CD163: variants seen among roughly 807,000 people sequenced by gnomAD.
CD163 encodes CD163 molecule.
In CD163, 64 loss-of-function variants were observed where a neutral mutation model predicts 129.2. That is an observed-to-expected ratio of 0.50 (90% CI 0.41 to 0.61). The LOEUF is 0.61. CD163 is among the 20% of genes least tolerant of loss of function. The pLI is 0.00. For missense variants in CD163, 1,061 were observed against 1,377.9 expected, an observed-to-expected ratio of 0.77 and a Z score of 3.64; for synonymous variants, 446 against 478.5, an observed-to-expected ratio of 0.93 and a Z score of 0.89.
At position 7,496,467 on chromosome 12, in the gene CD163, C is replaced by T. The variant is rs1254664877; in HGVS notation, c.1099+346G>A. On this transcript the variant is annotated intron_variant, in intron 5 of 16. Transcript: ENST00000432237. The surrounding 1 kb of genome is among the most constrained non-coding windows in gnomAD (Gnocchi z 4.8). ...ATGTAACAAACCTGCACATTCAACA[C>T]ATCTATCCCAGAACTTAAAGTAAAA... Among the ~76,000 whole-genome samples the T allele has an allele frequency of 2.0e-5, 3 of 152,248 alleles. No individual in the cohort carries two copies. Among genetic ancestry groups the T allele is most frequent in the South Asian group, 2.1e-4 (1 of 4,810 alleles).
rs1949440360 is a variant in CD163 at position 7,498,958 on chromosome 12, C to T, written c.688G>A (p.Gly230Arg). Residue 230 changes from glycine (G) to arginine (R), a missense_variant, in exon 4 of 17, where the codon GGA becomes AGA. Physicochemically the swap from Gly to Arg is moderately radical, Grantham distance 125. Coordinates refer to ENST00000432237, the MANE Select transcript of CD163 (RefSeq NM_203416.4). ...PIWFDDLICN[G>R]NESALWNCKH... ...CAGTTCCAGAGAGCTGACTCATTTC[C>T]GTTGCATATAAGATCATCAAACCAG... 3 of 1,614,120 alleles carry T rather than the reference C, an allele frequency of 1.9e-6. No individual in the cohort carries two copies. The highest frequency in any genetic ancestry group is 2.2e-5 in the East Asian group (1 of 44,882).
intron 4 of CD163, among the ~76,000 whole-genome samples, chr12:7,497,850 G>GT (rs1217070735): frequency 6.6e-6 from 1 of 152,238 alleles, no homozygotes; most frequent in East Asian, 1.9e-4. Context: ...TACAGTCTGT[G>GT]TTTTTTCTAC....
rs768685733 is a variant in CD163, at chr12:7,485,486, T to C, written c.2459-70A>G. The C allele has an allele frequency of 1.8e-4, 226 of 1,258,632 alleles. 2 individuals carry two copies. The African/African-American group carries it at 2.4e-3, about 13-fold the overall frequency. The allele number at this position is 1,258,632 out of a possible 1,614,324, so 78.0% of individuals were successfully genotyped here. On this transcript the variant is annotated intron_variant, in intron 10 of 16. Coordinates refer to ENST00000432237, the MANE Select transcript of CD163 (RefSeq NM_203416.4). This position sits in a 1 kb window ranked among gnomAD's most constrained non-coding sequence, Gnocchi z 4.5. ...ATTCAGAGACTCCTTCCCTTTACCT[T>C]GATGTAAGAATGGCTTTAAAAATAG...
chr12:7,480,120 C>A, intron 15 of CD163: 3 of 805,416 alleles, frequency 3.7e-6, no homozygotes, highest in East Asian at 5.5e-5. Context: ...ATTTAAGGGG[C>A]AGAGAAAGTC....
At chr12:7,491,506 C>A (rs1461180117) in intron 6 of CD163, among the ~76,000 whole-genome samples, 2 of 152,150 alleles carry the variant, frequency 1.3e-5, no homozygotes, top group East Asian at 3.9e-4. Flanking sequence ...CACCATTGAT[C>A]AACAACTACA....
intron 6 of CD163, 73 bp downstream of exon 6, chr12:7,495,008 G>T: frequency 1.7e-6 from 2 of 1,166,640 alleles, no homozygotes; most frequent in South Asian, 2.7e-5. Flanking sequence ...AAGGACCAAT[G>T]TTTCTTTTCA....
chr12:7,477,943 TA>T (rs1229804471), intron 16 of CD163, among the ~76,000 whole-genome samples: 4 of 152,200 alleles, frequency 2.6e-5, no homozygotes, highest in Admixed American at 2.0e-4. Flanking sequence ...CTAGAATTTT[TA>T]GCTTCTTTAT....
chr12:7,498,726 A>T lies in CD163; in HGVS notation c.778+142T>A, dbSNP rs987377185. On this transcript the variant is annotated intron_variant, in intron 4 of 16. Coordinates refer to ENST00000432237, the MANE Select transcript of CD163 (RefSeq NM_203416.4). ...AGGTAAAAAGTCCACAGGTATCAGA[A>T]CTGGAACCTGAAGTTAGGTTAAAAT... 3.8e-6 allele frequency: 3 copies of T among 784,556 alleles called. No homozygotes were observed. The African/African-American group carries it at 5.2e-5, about 14-fold the overall frequency. The allele number at this position is 784,556 out of a possible 1,614,324, so 48.6% of individuals were successfully genotyped here.
rs377200966 is a variant in CD163 at position 7,496,945 on chromosome 12, T to C, written c.967A>G (p.Lys323Glu). 3.2e-5 allele frequency: 51 copies of C among 1,613,994 alleles called. No individual in the cohort carries two copies. The highest frequency in any genetic ancestry group is 6.7e-5 in the African/African-American group (5 of 74,934). ...TCAAGCCAGATGTGTCCAAATCCCT[T>C]ACTGGCGTTAACTCGACCAATGGCT... Reference protein sequence around the residue: ...VTAIGRVNASKGFGHIWLDSV... With the variant: ...VTAIGRVNASEGFGHIWLDSV... Residue 323 changes from lysine to glutamate, a missense_variant, in exon 5 of 17, where the codon AAG becomes GAG. By Grantham distance (56) the Lys-to-Glu change is moderately conservative. Transcript: ENST00000432237. This position sits in a 1 kb window ranked among gnomAD's most constrained non-coding sequence, Gnocchi z 4.8.
At chr12:7,474,007 A>C (rs1035000745) in intron 16 of CD163, among the ~76,000 whole-genome samples, 2 of 152,224 alleles carry the variant, frequency 1.3e-5, no homozygotes, top group African/African-American at 4.8e-5. Context: ...TGGTAAAGGA[A>C]TCAATGCAAC....
In CD163 at chr12:7,495,095, T is replaced by TTG; in HGVS notation, c.1404_1405dup (p.Lys469ThrfsTer26). ...GAAAGTCATACCTGAGCAGGTAATTTTGGCTTCTTCATAGTGATCACAGGT... is the reference window on the plus strand; with the variant it reads ...GAAAGTCATACCTGAGCAGGTAATTTTGTGGCTTCTTCATAGTGATCACAGGT... On this transcript the variant is annotated frameshift_variant, in exon 6 of 17. Transcript: ENST00000432237. LOFTEE classifies it high-confidence loss of function. The TTG allele has an allele frequency of 1.2e-6, 2 of 1,613,732 alleles. No homozygotes were observed. Among genetic ancestry groups the TTG allele is most frequent in the Non-Finnish European group, 1.7e-6 (2 of 1,179,608 alleles).
intron 16 of CD163, among the ~76,000 whole-genome samples, chr12:7,473,803 C>G (rs1591989211): frequency 2.6e-5 from 4 of 152,070 alleles, no homozygotes; most frequent in Admixed American, 2.0e-4. Flanking sequence ...GAGTCAAGAT[C>G]CATCGGCGTG....
rs780018822 is a variant in CD163, at chr12:7,502,438, A to C, written c.133+40T>G. The C allele has an allele frequency of 1.7e-5, 21 of 1,272,654 alleles. No homozygotes were observed. In the South Asian group the frequency reaches 2.5e-4, roughly 15 times the overall value. The allele number at this position is 1,272,654 out of a possible 1,614,324, so 78.8% of individuals were successfully genotyped here. A position where few individuals can be genotyped will look rare whatever the true frequency, so the allele number is the denominator to read the frequency against. Reference sequence around the variant, plus strand: ...TTTGCCTTTTAACTGTTCTTGTCAGAGTGGGCTAAGGCTGTAAGTAAATTT... The same window carrying C: ...TTTGCCTTTTAACTGTTCTTGTCAGCGTGGGCTAAGGCTGTAAGTAAATTT... On this transcript the variant is annotated intron_variant, in intron 2 of 16. Coordinates refer to ENST00000432237, the MANE Select transcript of CD163 (RefSeq NM_203416.4).
chr12:7,482,538 T>G, intron 14 of CD163, 105 bp downstream of exon 14: 1 of 1,296,900 alleles, frequency 7.7e-7, no homozygotes, highest in African/African-American at 1.5e-5. Context: ...TCAAACCTCT[T>G]TTAGAGTCCA....
intron 16 of CD163, among the ~76,000 whole-genome samples, chr12:7,475,846 T>C (rs1470460432): frequency 2.0e-5 from 3 of 152,202 alleles, no homozygotes; most frequent in African/African-American, 7.2e-5. Flanking sequence ...CCCCATTGTC[T>C]CAGCCGAAAA....
chr12:7,493,550 T>C (rs1949354161), intron 6 of CD163, among the ~76,000 whole-genome samples: 1 of 152,234 alleles, frequency 6.6e-6, no homozygotes, highest in Non-Finnish European at 1.5e-5. Flanking sequence ...TCAGTCACTA[T>C]TATTTGTTTC....
Position 7,503,525 on chromosome 12 carries a change from T to A in CD163, c.46+120A>T, listed in dbSNP as rs964789090. ...TCAAAGGTGCTGCCATATAAGCCTATGTCCTTTTTCCACTCCTTACTCTCC... is the reference window on the plus strand; with the variant it reads ...TCAAAGGTGCTGCCATATAAGCCTAAGTCCTTTTTCCACTCCTTACTCTCC... On this transcript the variant is annotated intron_variant, in intron 1 of 16. Transcript: ENST00000432237. 1.3e-5 allele frequency: 8 copies of A among 599,984 alleles called. No individual in the cohort carries two copies. The Admixed American group carries it at 2.5e-4, about 19-fold the overall frequency. 37.2% of individuals were successfully genotyped at this position (599,984 alleles called of 1,614,324 possible).
At chr12:7,482,233 C>A (rs1414965565) in intron 14 of CD163, among the ~76,000 whole-genome samples, 10 of 152,106 alleles carry the variant, frequency 6.6e-5, no homozygotes, top group Non-Finnish European at 1.5e-5. Flanking sequence ...AAAAAGTCAT[C>A]CTAAACAATA....
intron 16 of CD163, among the ~76,000 whole-genome samples, chr12:7,472,734 T>C (rs1353757921): frequency 6.6e-6 from 1 of 152,156 alleles, no homozygotes; most frequent in Non-Finnish European, 1.5e-5. Context: ...GTTGATGAAT[T>C]GACAGAAGTG....
Sources: gnomAD v4.1 joint callset for allele counts (sites outside exome capture counted in the v4.1 genomes callset) on GRCh38, gnomAD v4.1.1 for gene constraint, Gnocchi (gnomAD v3.1) non-coding constraint, MANE v1.5 for transcripts, NCBI Gene and HGNC (gene_info 2026-07-23, HGNC 2026-07-21) for gene names.